Variants in ZUP1 observed in about 807,000 individuals in gnomAD.
ZUP1 encodes zinc finger-containing ubiquitin peptidase 1.
A neutral mutation model predicts 68.1 loss-of-function variants in ZUP1; 55 were observed. The ratio of observed to expected loss-of-function variants is 0.81; its 90% CI spans 0.65 to 1.01. ZUP1 has a LOEUF of 1.01. Among genes scored for constraint, ZUP1 ranks in the 50% least tolerant of loss-of-function variants. The pLI, the probability that ZUP1 is intolerant of heterozygous loss-of-function variation, is 0.00. For synonymous variants in ZUP1, 223 were observed against 221.5 expected (o/e 1.01, Z -0.06); for missense variants, 684 against 674.9 (o/e 1.01, Z -0.15).
rs763318648 is a variant in ZUP1 at position 116,667,226 on chromosome 6, T to G, written c.-15-19A>C. The G allele has an allele frequency of 7.0e-7, 1 of 1,433,460 alleles. No homozygotes were observed. Among genetic ancestry groups the G allele is most frequent in the Non-Finnish European group, 9.3e-7 (1 of 1,078,548 alleles). The allele number at this position is 1,433,460 out of a possible 1,614,324, so 88.8% of individuals were successfully genotyped here. A position where few individuals can be genotyped will look rare whatever the true frequency, so the allele number is the denominator to read the frequency against. On this transcript the variant is annotated intron_variant, in intron 1 of 9. Transcript: ENST00000368576. Reference sequence around the variant, plus strand: ...CAAGTAGCTAGAAAAGAACATAACATTAGGTTTCAAAGATTTGAAGAAAAA... The same window carrying G: ...CAAGTAGCTAGAAAAGAACATAACAGTAGGTTTCAAAGATTTGAAGAAAAA...
chr6:116,650,641 A>G (rs73765825), intron 7 of ZUP1, among the ~76,000 whole-genome samples: 5,109 of 152,220 alleles, frequency 0.034, 257 homozygotes, highest in African/African-American at 0.11. Flanking sequence ...AGACAAGTTC[A>G]TTCATTCAGC....
chr6:116,660,631 A>T (rs1280550541), intron 3 of ZUP1, 105 bp downstream of exon 3: 2 of 596,040 alleles, frequency 3.4e-6, no homozygotes, highest in African/African-American at 4.0e-5. Flanking sequence ...AAAGGAAAAG[A>T]TGTATTTTAA....
chr6:116,656,718 A>G lies in ZUP1; in HGVS notation c.927T>C (p.Ala309=). ...RRKADMMESL[A]LGFDDGKTKT... ...TTGTTTTTCCATCGTCAAAACCAAGAGCTAATGATTCCATCATATCAGCTT... is the reference window on the plus strand; with the variant it reads ...TTGTTTTTCCATCGTCAAAACCAAGGGCTAATGATTCCATCATATCAGCTT... Residue 309 remains alanine, a synonymous_variant, in exon 5 of 10, where the codon GCT becomes GCC. Transcript: ENST00000368576. The G allele has an allele frequency of 6.2e-7, 1 of 1,611,778 alleles. No individual in the cohort carries two copies. Among genetic ancestry groups the G allele is most frequent in the Non-Finnish European group, 8.5e-7 (1 of 1,179,368 alleles).
chr6:116,645,950 T>C lies in ZUP1; in HGVS notation c.1469-16A>G. 1 of 1,575,114 alleles carries C rather than the reference T, an allele frequency of 6.3e-7. No individual in the cohort carries two copies. The highest frequency in any genetic ancestry group is 2.2e-5 in the East Asian group (1 of 44,578). ...CGACTGTGACCTATCAAAAGATTTTTAAGTTATACATACGTCACATCTATT... is the reference window on the plus strand; with the variant it reads ...CGACTGTGACCTATCAAAAGATTTTCAAGTTATACATACGTCACATCTATT... On this transcript the variant is annotated splice_polypyrimidine_tract_variant and intron_variant, in intron 8 of 9. Transcript: ENST00000368576.
chr6:116,643,369 C>T (rs370588541), intron 9 of ZUP1, among the ~76,000 whole-genome samples: 5 of 151,940 alleles, frequency 3.3e-5, no homozygotes, highest in Non-Finnish European at 5.9e-5. Context: ...AAAAAGAGCC[C>T]GCATCGCCAA....
Position 116,654,098 on chromosome 6 carries a change from C to G in ZUP1, c.962-1906G>C, listed in dbSNP as rs527722693. 3.9e-5 allele frequency among the ~76,000 whole-genome samples: 6 copies of G among 152,048 alleles called. No homozygotes were observed. The East Asian group carries it at 1.2e-3, about 29-fold the overall frequency. ...CTGCCACTAAATCACTTCTATATTA[C>G]AGGACAGTGTGCTTTTTTACAGACA... On this transcript the variant is annotated intron_variant, in intron 5 of 9. Transcript: ENST00000368576.
At position 116,645,783 on chromosome 6, in the gene ZUP1, CAT is replaced by C. The variant is rs771360375; in HGVS notation, c.1618_1619del (p.Met540GlyfsTer6). On this transcript the variant is annotated frameshift_variant, in exon 9 of 10. Coordinates refer to ENST00000368576, the MANE Select transcript of ZUP1 (RefSeq NM_145062.3). LOFTEE classifies it high-confidence loss of function. ...GGTATTGCTTATGTTTTAAATTTCC[CAT>C]AGATTTCCGAAGTTGCTTGAGACTG... ...ASSLKQLRKS[M>X]GNLKHKQYQI... 1 of 1,613,700 alleles carries C rather than the reference CAT, an allele frequency of 6.2e-7. No individual in the cohort carries two copies.
intron 9 of ZUP1, among the ~76,000 whole-genome samples, chr6:116,645,494 T>A (rs1776262371): frequency 6.7e-6 from 1 of 149,200 alleles, no homozygotes; most frequent in Non-Finnish European, 1.5e-5. Flanking sequence ...GGCAGGAGGA[T>A]CGCTTGAGCC....
At chr6:116,643,937 C>T (rs534886393) in intron 9 of ZUP1, among the ~76,000 whole-genome samples, 2 of 152,278 alleles carry the variant, frequency 1.3e-5, no homozygotes, top group Admixed American at 1.3e-4. Context: ...ACAACCTACT[C>T]ATCTGACAAA....
intron 4 of ZUP1, among the ~76,000 whole-genome samples, 170 bp from the exon 5 acceptor site, chr6:116,657,022 CACA>C (rs1413563650): frequency 1.1e-3 from 101 of 90,264 alleles, no homozygotes; most frequent in African/African-American, 3.9e-3. Flanking sequence ...CACACACACA[CACA>C]AAAAAAAATT....
chr6:116,645,398 T>C (rs1383864923), intron 9 of ZUP1, among the ~76,000 whole-genome samples: 1 of 151,708 alleles, frequency 6.6e-6, no homozygotes, highest in African/African-American at 2.4e-5. Flanking sequence ...CTGGGCACCA[T>C]GGTGAAACCC....
At chr6:116,644,311 C>A (rs1369213386) in intron 9 of ZUP1, among the ~76,000 whole-genome samples, 1 of 152,116 alleles carries the variant, frequency 6.6e-6, no homozygotes, top group Non-Finnish European at 1.5e-5. Flanking sequence ...ACTAGAAATA[C>A]CATTTGACCC....
In ZUP1 at chr6:116,635,687, A is replaced by G. The variant is rs2115371906; in HGVS notation, c.*145T>C. The stretch of plus-strand genomic sequence containing the variant: ...AATGAAGTATGATAGGTATAATTCA[A>G]TTAACACAGGCATTTTAGAAATTAA... On this transcript the variant is annotated 3_prime_UTR_variant, in exon 10 of 10. Transcript: ENST00000368576. The G allele has an allele frequency of 1.8e-6, 1 of 544,726 alleles. No homozygotes were observed. Among genetic ancestry groups the G allele is most frequent in the East Asian group, 3.5e-5 (1 of 28,840 alleles). 33.7% of individuals were successfully genotyped at this position (544,726 alleles called of 1,614,324 possible).
chr6:116,654,198 CT>C (rs1776597128), intron 5 of ZUP1, among the ~76,000 whole-genome samples: 1 of 151,792 alleles, frequency 6.6e-6, no homozygotes, highest in Admixed American at 6.6e-5. Flanking sequence ...ATAGTGAGAA[CT>C]TTTTTACATG....
Position 116,645,914 on chromosome 6 carries a change from C to T in ZUP1, c.1489G>A (p.Gly497Arg), listed in dbSNP as rs1188171722. 6.2e-7 allele frequency: 1 copy of T among 1,612,874 alleles called. No individual in the cohort carries two copies. Among genetic ancestry groups the T allele is most frequent in the Non-Finnish European group, 8.5e-7 (1 of 1,179,598 alleles). ...QHQGHSRTVI[G>R]IEEKKNRTLC... ...GTTCGGTTTTTTTTCTCTTCAATTC[C>T]AATAACAGTTCGACTGTGACCTATC... Residue 497 changes from glycine (G) to arginine (R), a missense_variant, in exon 9 of 10, where the codon GGA becomes AGA. Transcript: ENST00000368576.
At chr6:116,660,922 C>T (rs1776818111) in intron 2 of ZUP1, 76 bp from the exon 3 acceptor site, 4 of 779,594 alleles carry the variant, frequency 5.1e-6, no homozygotes, top group East Asian at 6.0e-5. Flanking sequence ...TTTTTTGAGA[C>T]AGGGTCTCAC....
At position 116,660,822 on chromosome 6, in the gene ZUP1, C is replaced by A; in HGVS notation, c.584G>T (p.Cys195Phe). Residue 195 changes from cysteine (C) to phenylalanine (F), a missense_variant, in exon 3 of 10, where the codon TGT becomes TTT. Coordinates refer to ENST00000368576, the MANE Select transcript of ZUP1 (RefSeq NM_145062.3). ...TGTACATATGAGCCCACACATAGGA[C>A]AATCATAGAGTGGTTGATCACAGTC... is the stretch of plus-strand genomic sequence containing the variant. ...LEDCDQPLYD[C>F]PMCGLICTNY... is the part of the protein sequence containing the mutation. 1 of 1,598,800 alleles carries A rather than the reference C, an allele frequency of 6.3e-7. No individual in the cohort carries two copies. The highest frequency in any genetic ancestry group is 8.6e-7 in the Non-Finnish European group (1 of 1,168,656).
chr6:116,649,747 C>A (rs751397248), intron 7 of ZUP1, among the ~76,000 whole-genome samples: 29 of 152,294 alleles, frequency 1.9e-4, no homozygotes, highest in Middle Eastern at 3.4e-3. Flanking sequence ...CGCCTTCCAC[C>A]TAAGACTTTT....
intron 3 of ZUP1, among the ~76,000 whole-genome samples, chr6:116,659,198 C>A (rs1776760186): frequency 6.6e-6 from 1 of 152,160 alleles, no homozygotes; most frequent in Non-Finnish European, 1.5e-5. Flanking sequence ...GGTGCGATCT[C>A]AGCTCACTGC....
Sources: gnomAD v4.1 joint callset for allele counts (sites outside exome capture counted in the v4.1 genomes callset) on GRCh38, gnomAD v4.1.1 for gene constraint, MANE v1.5 for transcripts, NCBI Gene and HGNC (gene_info 2026-07-23, HGNC 2026-07-21) for gene names.